CD34: variants seen among roughly 807,000 people sequenced by gnomAD.
CD34 encodes CD34 molecule.
A neutral mutation model predicts 40.1 loss-of-function variants in CD34; 34 were observed. The ratio of observed to expected loss-of-function variants is 0.85; its 90% CI spans 0.65 to 1.13. CD34 has a LOEUF of 1.13. CD34 is among the 50% of genes most tolerant of loss of function. The probability of loss-of-function intolerance (pLI) is 0.00; values close to 1 mark genes in which losing one functional copy is unlikely to be tolerated. For missense variants in CD34, 426 were observed against 466.9 expected (o/e 0.91, Z 0.81); for synonymous variants, 209 against 190.0 (o/e 1.10, Z -0.82).
At position 207,882,591 on chromosome 1, in the gene CD34, G is replaced by A. The variant is rs886472834; in HGVS notation, c.*5147C>T. ...ACAGCCATCATAAACATGCTTTAATGAGCAATTGCAGCATGCTTGAAACAA... is the reference window on the plus strand; with the variant it reads ...ACAGCCATCATAAACATGCTTTAATAAGCAATTGCAGCATGCTTGAAACAA... On this transcript the variant is annotated 3_prime_UTR_variant, in exon 8 of 8. Transcript: ENST00000310833. 1 of 152,286 alleles carries A rather than the reference G, an allele frequency of 6.6e-6. No homozygotes were observed. Among genetic ancestry groups the A allele is most frequent in the Admixed American group, 6.5e-5 (1 of 15,288 alleles). 9.4% of individuals were successfully genotyped at this position (152,286 alleles called of 1,614,324 possible). A position where few individuals can be genotyped will look rare whatever the true frequency, so the allele number is the denominator to read the frequency against.
At position 207,889,584 on chromosome 1, in the gene CD34, C is replaced by T. The variant is rs1483955349; in HGVS notation, c.635G>A (p.Arg212Gln). ...FKKDRGEGLA[R>Q]VLCGEEQADA... is the part of the protein sequence containing the mutation. ...AGCCTGCTCCTCCCCACACAGCACT[C>T]GGGCCAGGCCCTCTCCCCTGTCCTT... Residue 212 changes from arginine to glutamine, a missense_variant, in exon 5 of 8, where the codon CGA becomes CAA. Transcript: ENST00000310833. 6.8e-6 allele frequency: 11 copies of T among 1,614,076 alleles called. No individual in the cohort carries two copies. The highest frequency in any genetic ancestry group is 2.2e-5 in the East Asian group (1 of 44,878).
chr1:207,896,177 T>C (rs1662147325), intron 4 of CD34, among the ~76,000 whole-genome samples: 1 of 152,256 alleles, frequency 6.6e-6, no homozygotes, highest in African/African-American at 2.4e-5. Context: ...ATCACATATG[T>C]GATTCCCTTA....
intron 1 of CD34, among the ~76,000 whole-genome samples, chr1:207,905,932 G>A (rs1454202048): frequency 6.6e-6 from 1 of 152,196 alleles, no homozygotes; most frequent in Admixed American, 6.5e-5. Flanking sequence ...GAAAAAATCT[G>A]AAATTTGAAA....
At chr1:207,908,050 A>C (rs886118743) in intron 1 of CD34, among the ~76,000 whole-genome samples, 1 of 152,222 alleles carries the variant, frequency 6.6e-6, no homozygotes, top group South Asian at 2.1e-4. Flanking sequence ...CCTCCAGCTC[A>C]GGGTCTAAAG....
rs1292762939 is a variant in CD34 at position 207,886,636 on chromosome 1, C to G, written c.*1102G>C. The G allele has an allele frequency of 2.6e-5, 4 of 152,622 alleles. No individual in the cohort carries two copies. Among genetic ancestry groups the G allele is most frequent in the African/African-American group, 9.7e-5 (4 of 41,430 alleles). 9.5% of individuals were successfully genotyped at this position (152,622 alleles called of 1,614,324 possible). On this transcript the variant is annotated 3_prime_UTR_variant, in exon 8 of 8. Transcript: ENST00000310833. ...CTCTCTTCTCTGGAAATTTCTATTT[C>G]CAACCGTCATTGAAACCAGGATCCC...
intron 1 of CD34, among the ~76,000 whole-genome samples, chr1:207,910,395 T>C (rs1455166459): frequency 6.6e-6 from 1 of 152,232 alleles, no homozygotes; most frequent in Admixed American, 6.5e-5. Context: ...CTTCCCAATC[T>C]TAAATGCAAG....
chr1:207,899,272 AGATACACAAAATCTCAGGTCAT>A, intron 2 of CD34, 46 bp from the exon 3 acceptor site: 1 of 1,599,364 alleles, frequency 6.3e-7, no homozygotes, highest in Non-Finnish European at 8.5e-7. Context: ...ATGTGCTCAT[AGATACACAAAATCTCAGGTCAT>A]GATATGGGCA....
At chr1:207,905,449 C>G (rs1045679132) in intron 1 of CD34, among the ~76,000 whole-genome samples, 1 of 152,116 alleles carries the variant, frequency 6.6e-6, no homozygotes, top group African/African-American at 2.4e-5. Flanking sequence ...TTTTACATTT[C>G]TAAAAGTGTC....
intron 1 of CD34, among the ~76,000 whole-genome samples, chr1:207,900,978 T>C (rs1397852002): frequency 1.3e-5 from 2 of 150,610 alleles, no homozygotes; most frequent in African/African-American, 4.9e-5. Flanking sequence ...ATCTCTTCTG[T>C]ATATCCTGGG....
intron 4 of CD34, 83 bp from the exon 5 acceptor site, chr1:207,889,704 C>A: frequency 6.2e-7 from 1 of 1,606,120 alleles, no homozygotes; most frequent in South Asian, 1.1e-5. Context: ...TGATTACAGT[C>A]ATACTCTTAC....
At chr1:207,899,267 C>T in intron 2 of CD34, 41 bp from the exon 3 acceptor site, 1 of 1,601,540 alleles carries the variant, frequency 6.2e-7, no homozygotes, top group African/African-American at 1.3e-5. Context: ...TGTGCATGTG[C>T]TCATAGATAC....
At chr1:207,890,160 G>A (rs1009897) in intron 4 of CD34, 287,486 of 1,037,882 alleles carry the variant, frequency 0.28, 41,843 homozygotes, top group Admixed American at 0.31. Context: ...TTTTTGTCTC[G>A]TCTTCCATCT....
At chr1:207,907,103 A>C (rs973066929) in intron 1 of CD34, among the ~76,000 whole-genome samples, 3 of 152,164 alleles carry the variant, frequency 2.0e-5, no homozygotes, top group African/African-American at 7.2e-5. Context: ...AGAGCCACTA[A>C]CACAAGGCTA....
In CD34 at chr1:207,898,995, G is replaced by A; in HGVS notation, c.494C>T (p.Ser165Phe). The A allele has an allele frequency of 5.0e-6, 8 of 1,614,232 alleles. No individual in the cohort carries two copies. The highest frequency in any genetic ancestry group is 6.8e-6 in the Non-Finnish European group (8 of 1,180,026). Reference sequence around the variant, plus strand: ...CACCTTGATGTCACTTAGGATAGGAGAAGATGATGTATAGGGTTTAGTGGG... The same window carrying A: ...CACCTTGATGTCACTTAGGATAGGAAAAGATGATGTATAGGGTTTAGTGGG... ...TSPTKPYTSS[S>F]PILSDIKAEI... Residue 165 changes from serine (S) to phenylalanine (F), a missense_variant, in exon 3 of 8, where the codon TCT becomes TTT. By Grantham distance (155) the Ser-to-Phe change is radical. Transcript: ENST00000310833.
At chr1:207,901,561 T>A (rs1348528117) in intron 1 of CD34, among the ~76,000 whole-genome samples, 1 of 152,196 alleles carries the variant, frequency 6.6e-6, no homozygotes, top group East Asian at 1.9e-4. Flanking sequence ...TGAAGGGAAG[T>A]GGGCTGGGGC....
intron 4 of CD34, among the ~76,000 whole-genome samples, chr1:207,896,447 C>CT (rs1333964169): frequency 1.3e-5 from 2 of 152,192 alleles, no homozygotes; most frequent in Non-Finnish European, 2.9e-5. Context: ...AACAAGATAG[C>CT]TTACCTTAAA....
chr1:207,887,735 G>A lies in CD34; in HGVS notation c.*3C>T, dbSNP rs769380472. ...CTGCCCAGCCTTGCCCCACCTAGCCGAGTCACAATTCGGTATCAGCCACCA... is the reference window on the plus strand; with the variant it reads ...CTGCCCAGCCTTGCCCCACCTAGCCAAGTCACAATTCGGTATCAGCCACCA... On this transcript the variant is annotated 3_prime_UTR_variant, in exon 8 of 8. Coordinates refer to ENST00000310833, the MANE Select transcript of CD34 (RefSeq NM_001025109.2). 9 of 1,614,068 alleles carry A rather than the reference G, an allele frequency of 5.6e-6. No individual in the cohort carries two copies. The East Asian group carries it at 6.7e-5, about 12-fold the overall frequency.
chr1:207,891,614 T>C (rs1662038591), intron 4 of CD34, among the ~76,000 whole-genome samples: 1 of 150,418 alleles, frequency 6.6e-6, no homozygotes, highest in Non-Finnish European at 1.5e-5. Context: ...CCCTGAGAGG[T>C]TGAGTCCACT....
chr1:207,888,745 G>C lies in CD34; in HGVS notation c.909C>G (p.Val303=), dbSNP rs746260628. Reference sequence around the variant, plus strand: ...TCAGGAAATAGCCAGTGATGCCCAAGACAGCCAGCAGGGCTCCCGAGGTGA... The same window carrying C: ...TCAGGAAATAGCCAGTGATGCCCAACACAGCCAGCAGGGCTCCCGAGGTGA... ...ALVTSGALLA[V]LGITGYFLMN... Residue 303 remains valine, a synonymous_variant, in exon 7 of 8, where the codon GTC becomes GTG. Coordinates refer to ENST00000310833, the MANE Select transcript of CD34 (RefSeq NM_001025109.2). 6.2e-7 allele frequency: 1 copy of C among 1,614,220 alleles called. No homozygotes were observed. The highest frequency in any genetic ancestry group is 8.5e-7 in the Non-Finnish European group (1 of 1,180,042).
Sources: allele counts gnomAD v4.1 joint callset (sites outside exome capture counted in the v4.1 genomes callset), GRCh38; gene constraint gnomAD v4.1.1; transcripts MANE v1.5; gene names NCBI Gene and HGNC (gene_info 2026-07-23, HGNC 2026-07-21).